The following TF variants were observed in gnomAD, a reference collection of about 807,000 sequenced individuals.
TF encodes transferrin.
Under a neutral mutation model 82.4 loss-of-function variants are expected in TF, and 55 were observed. The observed-to-expected ratio is 0.67, with a 90% CI of 0.54 to 0.84. TF has a LOEUF of 0.84. Ranked by LOEUF, TF falls within the 40% of genes least tolerant of loss-of-function variation. TF has a pLI of 0.00. For missense variants in TF, 737 were observed against 868.4 expected, an observed-to-expected ratio of 0.85 and a Z score of 1.90; for synonymous variants, 332 against 332.6, an observed-to-expected ratio of 1.00 and a Z score of 0.02.
the TF span, among the ~76,000 whole-genome samples, chr3:133,709,240 G>A: frequency 6.6e-6 from 1 of 152,168 alleles, no homozygotes; most frequent in Middle Eastern, 3.2e-3. Flanking sequence ...AGACCTCTAT[G>A]TGACTTCCAC....
chr3:133,694,045 A>G, the TF span, among the ~76,000 whole-genome samples: 2 of 152,020 alleles, frequency 1.3e-5, no homozygotes, highest in African/African-American at 2.4e-5. Context: ...ATTGCCAGCC[A>G]CCTCCAGCAG....
chr3:133,753,734 T>C (rs1446318288), intron 3 of TF, 31 bp downstream of exon 3: 11 of 1,550,120 alleles, frequency 7.1e-6, no homozygotes, highest in Non-Finnish European at 8.9e-6. Context: ...CAGGAAGGAG[T>C]TGTCATCCTT....
chr3:133,702,767 A>C, the TF span, among the ~76,000 whole-genome samples: 1 of 152,180 alleles, frequency 6.6e-6, no homozygotes, highest in Non-Finnish European at 1.5e-5. Context: ...TGACAAACTT[A>C]GAAGGCTATG....
the TF span, among the ~76,000 whole-genome samples, chr3:133,728,952 G>A: frequency 3.9e-5 from 6 of 152,216 alleles, no homozygotes; most frequent in Non-Finnish European, 5.9e-5. Context: ...ATCAGCAGCG[G>A]TGGCTGCAGA....
chr3:133,675,857 T>G, the TF span, among the ~76,000 whole-genome samples: 2 of 152,004 alleles, frequency 1.3e-5, no homozygotes, highest in Non-Finnish European at 2.9e-5. Context: ...AAGGTCAGAG[T>G]TGAGGAGTTG....
chr3:133,723,412 G>T, the TF span, among the ~76,000 whole-genome samples: 1 of 148,904 alleles, frequency 6.7e-6, no homozygotes. Context: ...TCTATAATGT[G>T]AATATCTGTT....
At chr3:133,739,529 A>G in the TF span, among the ~76,000 whole-genome samples, 1 of 152,178 alleles carries the variant, frequency 6.6e-6, no homozygotes, top group Non-Finnish European at 1.5e-5. Flanking sequence ...TGAACAGGCA[A>G]CCTACAGAAT....
At chr3:133,711,784 A>T in the TF span, among the ~76,000 whole-genome samples, 1 of 151,858 alleles carries the variant, frequency 6.6e-6, no homozygotes. Context: ...CCCTTCACAG[A>T]CTTCTCATCT....
the TF span, among the ~76,000 whole-genome samples, chr3:133,670,542 ATTGGAT>A: frequency 4.3e-4 from 66 of 152,266 alleles, no homozygotes; most frequent in African/African-American, 1.5e-3. Flanking sequence ...AGTGGCTGCT[ATTGGAT>A]TTAGGCTGTG....
the TF span, among the ~76,000 whole-genome samples, chr3:133,680,596 A>G: frequency 1.3e-5 from 2 of 149,652 alleles, no homozygotes; most frequent in Non-Finnish European, 3.0e-5. Context: ...AAAAGGCCTT[A>G]TCTTGACATT....
intron 6 of TF, 39 bp downstream of exon 6, chr3:133,756,376 T>C (rs747648314): frequency 1.3e-6 from 2 of 1,594,928 alleles, no homozygotes; most frequent in Non-Finnish European, 1.7e-6. Context: ...CCACTCCAAG[T>C]AGTGGGTGTT....
At chr3:133,736,631 C>CAAAAAAGAAAAGAA in the TF span, among the ~76,000 whole-genome samples, 2 of 32,552 alleles carry the variant, frequency 6.1e-5, no homozygotes, top group Admixed American at 4.7e-4. Flanking sequence ...AATGGAAAGC[C>CAAAAAAGAAAAGAA]AAAAAAAAAA....
the TF span, among the ~76,000 whole-genome samples, chr3:133,680,539 T>C: frequency 6.6e-6 from 1 of 151,592 alleles, no homozygotes; most frequent in Non-Finnish European, 1.5e-5. Context: ...TTTTCTTTTT[T>C]TTTTTTTGAC....
At chr3:133,676,658 A>T in the TF span, among the ~76,000 whole-genome samples, 9 of 152,260 alleles carry the variant, frequency 5.9e-5, no homozygotes, top group Non-Finnish European at 1.0e-4. Context: ...GTGGGGCCAC[A>T]CAGGGAGCTC....
At chr3:133,664,611 C>G in the TF span, among the ~76,000 whole-genome samples, 1 of 152,082 alleles carries the variant, frequency 6.6e-6, no homozygotes, top group Admixed American at 6.5e-5. Context: ...TAAGTCACTG[C>G]GCCTGGCCAC....
the TF span, among the ~76,000 whole-genome samples, chr3:133,715,044 G>A: frequency 6.6e-6 from 1 of 152,054 alleles, no homozygotes; most frequent in Non-Finnish European, 1.5e-5. Flanking sequence ...TATCAATCCC[G>A]CACCTTTCCC....
At chr3:133,758,340 C>T (rs1933897336) in intron 8 of TF, among the ~76,000 whole-genome samples, 1 of 152,212 alleles carries the variant, frequency 6.6e-6, no homozygotes, top group Non-Finnish European at 1.5e-5. Context: ...AGAGGTTGAT[C>T]CCAGTCCTGG....
chr3:133,769,530 T>A (rs1432039192), intron 13 of TF, among the ~76,000 whole-genome samples: 1 of 152,168 alleles, frequency 6.6e-6, no homozygotes, highest in African/African-American at 2.4e-5. Flanking sequence ...TGAAGTAAAA[T>A]GTACCAGACT....
upstream of TF, among the ~76,000 whole-genome samples, chr3:133,741,884 G>A (rs1432751769): frequency 6.6e-6 from 1 of 152,164 alleles, no homozygotes. Flanking sequence ...TTGTCATGAT[G>A]TCTTTGTTAG....
Sources: allele counts gnomAD v4.1 joint callset (sites outside exome capture counted in the v4.1 genomes callset), GRCh38; gene constraint gnomAD v4.1.1; transcripts MANE v1.5; gene names NCBI Gene and HGNC (gene_info 2026-07-23, HGNC 2026-07-21).